Variants in ST7L observed in about 807,000 individuals in gnomAD.
The protein encoded by ST7L is suppressor of tumorigenicity 7 protein-like.
Under a neutral mutation model 72.5 loss-of-function variants are expected in ST7L, and 57 were observed. That is an observed-to-expected ratio of 0.79 (90% CI 0.64 to 0.98). The LOEUF (loss-of-function observed/expected upper bound fraction) is 0.98, where lower values mean the gene tolerates loss of function less well. ST7L is among the 50% of genes least tolerant of loss of function. ST7L has a pLI of 0.00. For synonymous variants in ST7L, 221 were observed against 240.9 expected (o/e 0.92, Z 0.77); for missense variants, 576 against 672.2 (o/e 0.86, Z 1.58).
In ST7L at chr1:112,568,887, T is replaced by TATATAA. The variant is rs1308318369; in HGVS notation, c.1245+8098_1245+8099insTTATAT. ...ATATATATATATATATATATATATA[T>TATATAA]AAAACAAAAATTTAAAAATATGCAA... is the stretch of plus-strand genomic sequence containing the variant. On this transcript the variant is annotated intron_variant, in intron 11 of 14. Coordinates refer to ENST00000358039, the MANE Select transcript of ST7L (RefSeq NM_017744.5). Among the ~76,000 whole-genome samples, 336 of 131,528 alleles carry TATATAA rather than the reference T, an allele frequency of 2.6e-3. 2 individuals carry two copies. The East Asian group carries it at 0.029, about 11-fold the overall frequency. 86.3% of individuals were successfully genotyped at this position (131,528 alleles called of 152,430 possible). A position where few individuals can be genotyped will look rare whatever the true frequency, so the allele number is the denominator to read the frequency against.
In ST7L at chr1:112,526,081, C is replaced by A. The variant is rs1653318724; in HGVS notation, c.1660G>T (p.Ala554Ser). The A allele has an allele frequency of 6.2e-7, 1 of 1,614,014 alleles. No homozygotes were observed. The highest frequency in any genetic ancestry group is 1.1e-5 in the South Asian group (1 of 91,076). ...VLGLWCPQPW[A>S]SSGFEENTQD... Reference sequence around the variant, plus strand: ...GTATTCTCCTCAAAGCCTGAGGATGCCCAGGGTTGGGGGCACCAGAGTCCC... The same window carrying A: ...GTATTCTCCTCAAAGCCTGAGGATGACCAGGGTTGGGGGCACCAGAGTCCC... The change falls in exon 15 of 15, where the codon GCA becomes TCA. Residue 554 changes from alanine to serine, a missense_variant. Physicochemically the swap from Ala to Ser is moderately conservative, Grantham distance 99. Around this residue, in one of 3 missense-constraint regions of ST7L, gnomAD observed 511 missense variants for 600.7 expected, o/e 0.85. Transcript: ENST00000358039.
chr1:112,602,902 T>C (rs1667647038), intron 3 of ST7L, among the ~76,000 whole-genome samples: 1 of 151,802 alleles, frequency 6.6e-6, no homozygotes, highest in East Asian at 1.9e-4. Context: ...GTATTTTTAG[T>C]AGAGACGGGG....
Position 112,584,118 on chromosome 1 carries a change from G to A in ST7L, c.710C>T (p.Thr237Ile). 6.2e-7 allele frequency: 1 copy of A among 1,612,408 alleles called. No homozygotes were observed. The highest frequency in any genetic ancestry group is 8.5e-7 in the Non-Finnish European group (1 of 1,179,624). ...QALELNNDCA[T>I]AYVLLAEEEA... ...TTCCTCAGCCAGTAGAACATATGCA[G>A]TGGCACAGCTATGAAGAAAGCAAGA... is the stretch of plus-strand genomic sequence containing the variant. Residue 237 changes from threonine (T) to isoleucine (I), a missense_variant, in exon 7 of 15, where the codon ACT becomes ATT. By Grantham distance (89) the Thr-to-Ile change is moderately conservative. Transcript: ENST00000358039.
intron 3 of ST7L, among the ~76,000 whole-genome samples, chr1:112,610,219 T>C (rs984010303): frequency 9.2e-5 from 14 of 152,128 alleles, no homozygotes; most frequent in Admixed American, 1.3e-4. Flanking sequence ...TTACCCCGGA[T>C]TTCTTTCCTT....
chr1:112,525,944 C>T lies in ST7L; in HGVS notation c.*69G>A, dbSNP rs890262478. 14 of 1,600,604 alleles carry T rather than the reference C, an allele frequency of 8.7e-6. No homozygotes were observed. In the African/African-American group the frequency reaches 1.3e-4, roughly 15 times the overall value. ...CAACAACCCTGTGAGGTAGGGGTTA[C>T]TGTCACTTTACAGATGCTGTTCAGA... On this transcript the variant is annotated 3_prime_UTR_variant, in exon 15 of 15. Coordinates refer to ENST00000358039, the MANE Select transcript of ST7L (RefSeq NM_017744.5).
At chr1:112,568,709 C>CA (rs71483885) in intron 11 of ST7L, among the ~76,000 whole-genome samples, 1 of 106,474 alleles carries the variant, frequency 9.4e-6, no homozygotes, top group African/African-American at 3.6e-5. Context: ...AAAAAAACAA[C>CA]AACAAAAAAA....
intron 11 of ST7L, among the ~76,000 whole-genome samples, chr1:112,564,668 T>C (rs1232644117): frequency 6.6e-6 from 1 of 151,744 alleles, no homozygotes; most frequent in Non-Finnish European, 1.5e-5. Context: ...AATACAAAAA[T>C]TGCCCAGGTG....
rs1402421398 is a variant in ST7L, at chr1:112,574,058, G to A, written c.1245+2928C>T. On this transcript the variant is annotated intron_variant, in intron 11 of 14. Transcript: ENST00000358039. ...GCCCCCCAAGTAGCTGGGACTACAG[G>A]CGCACCCCACCACACCCGGTTAATT... 6.8e-5 allele frequency among the ~76,000 whole-genome samples: 10 copies of A among 147,434 alleles called. No homozygotes were observed. The Admixed American group carries it at 6.8e-4, about 10-fold the overall frequency.
In ST7L at chr1:112,578,425, G is replaced by A. The variant is rs745686287; in HGVS notation, c.1070-8C>T. 1.2e-5 allele frequency: 20 copies of A among 1,612,988 alleles called. No individual in the cohort carries two copies. The highest frequency in any genetic ancestry group is 1.5e-5 in the Non-Finnish European group (18 of 1,179,100). On this transcript the variant is annotated splice_region_variant and splice_polypyrimidine_tract_variant and intron_variant, in intron 9 of 14. Transcript: ENST00000358039. Reference sequence around the variant, plus strand: ...ACTTTGGAAGGCTTATATCTGTAACGATAATTTTCAATTTAGGTAGGAATT... The same window carrying A: ...ACTTTGGAAGGCTTATATCTGTAACAATAATTTTCAATTTAGGTAGGAATT...
intron 6 of ST7L, among the ~76,000 whole-genome samples, chr1:112,586,831 T>C (rs1320062730): frequency 6.6e-6 from 1 of 152,194 alleles, no homozygotes; most frequent in African/African-American, 2.4e-5. Flanking sequence ...TAATTTTTAA[T>C]ATATTCACAG....
At chr1:112,603,779 CTG>C (rs1200238053) in intron 3 of ST7L, among the ~76,000 whole-genome samples, 2 of 152,168 alleles carry the variant, frequency 1.3e-5, no homozygotes, top group African/African-American at 2.4e-5. Context: ...TCTGGTGAAA[CTG>C]AGTTCTTGTT....
At chr1:112,569,125 T>G (rs187138963) in intron 11 of ST7L, among the ~76,000 whole-genome samples, 26 of 152,158 alleles carry the variant, frequency 1.7e-4, no homozygotes, top group African/African-American at 6.0e-4. Flanking sequence ...GCTGAGGGAA[T>G]GTAAAATAAT....
chr1:112,542,941 A>G (rs1358271333), intron 13 of ST7L, among the ~76,000 whole-genome samples: 1 of 151,992 alleles, frequency 6.6e-6, no homozygotes, highest in Non-Finnish European at 1.5e-5. Context: ...CTGGGATTAC[A>G]TGCACAGGCC....
In ST7L at chr1:112,582,438, T is replaced by C. The variant is rs758261722; in HGVS notation, c.891A>G (p.Arg297=). Residue 297 remains arginine, a synonymous_variant, in exon 8 of 15, where the codon AGA becomes AGG. Transcript: ENST00000358039. The part of the protein sequence containing the change: ...RDTNVLVYIK[R]RLAMCARKLG... ...ATTTTCTTGCACACATTGCCAATCTTCTTTTAATATATACCAGTACATTGG... is the reference window on the plus strand; with the variant it reads ...ATTTTCTTGCACACATTGCCAATCTCCTTTTAATATATACCAGTACATTGG... 1 of 1,608,528 alleles carries C rather than the reference T, an allele frequency of 6.2e-7. No individual in the cohort carries two copies. The highest frequency in any genetic ancestry group is 8.5e-7 in the Non-Finnish European group (1 of 1,176,658).
At chr1:112,578,563 C>T (rs1437354488) in intron 9 of ST7L, 146 bp from the exon 10 acceptor site, 4 of 695,176 alleles carry the variant, frequency 5.8e-6, no homozygotes, top group African/African-American at 1.8e-5. Context: ...ATCATGAGGT[C>T]AGGAGTTCAA....
intron 3 of ST7L, among the ~76,000 whole-genome samples, chr1:112,603,360 T>C (rs1195276811): frequency 6.6e-6 from 1 of 152,184 alleles, no homozygotes. Flanking sequence ...TACCAATAGA[T>C]TTTCACATAA....
intron 11 of ST7L, among the ~76,000 whole-genome samples, chr1:112,565,211 ATTTTTTTTTTTTTTT>A (rs777969643): frequency 1.6e-4 from 9 of 57,940 alleles, no homozygotes; most frequent in African/African-American, 3.4e-4. Context: ...TGTTCGGCTA[ATTTTTTTTTTTTTTT>A]TTTTTTTTTT....
intron 14 of ST7L, chr1:112,539,940 A>C: frequency 1.0e-6 from 1 of 985,406 alleles, no homozygotes. Context: ...TTTATTATCC[A>C]TCAACTAGAA....
intron 3 of ST7L, chr1:112,607,339 C>A (rs1482510679): frequency 6.6e-6 from 1 of 152,360 alleles, no homozygotes; most frequent in Non-Finnish European, 1.5e-5. Context: ...GTGGCTCATG[C>A]CTGTAATCCC....
Sources: allele counts gnomAD v4.1 joint callset (sites outside exome capture counted in the v4.1 genomes callset), GRCh38; gene constraint gnomAD v4.1.1; regional missense constraint gnomAD v4.1.1; transcripts MANE v1.5; gene names NCBI Gene and HGNC (gene_info 2026-07-23, HGNC 2026-07-21).